Variants in WRN observed in about 807,000 individuals in gnomAD.
WRN encodes bifunctional 3'-5' exonuclease/ATP-dependent helicase WRN.
A neutral mutation model predicts 180.7 loss-of-function variants in WRN; 149 were observed. The observed-to-expected ratio is 0.82, with a 90% confidence interval of 0.72 to 0.94. The LOEUF (loss-of-function observed/expected upper bound fraction) is 0.94. WRN is among the 40% of genes least tolerant of loss of function. The probability of loss-of-function intolerance (pLI) is 0.00; values close to 1 mark genes in which losing one functional copy is unlikely to be tolerated. For synonymous variants in WRN, 548 were observed against 568.9 expected (o/e 0.96, Z 0.52); for missense variants, 1,661 against 1,700.1 (o/e 0.98, Z 0.40).
intron 18 of WRN, among the ~76,000 whole-genome samples, chr8:31,106,709 C>T (rs940972149): frequency 1.3e-5 from 2 of 152,190 alleles, no homozygotes; most frequent in East Asian, 1.9e-4. Context: ...CAGCATTCCT[C>T]GTAAATCTTT....
intron 23 of WRN, among the ~76,000 whole-genome samples, chr8:31,130,618 GTTTT>G (rs35645656): frequency 7.0e-6 from 1 of 142,994 alleles, no homozygotes; most frequent in Non-Finnish European, 1.5e-5. Context: ...TAGGATTTGG[GTTTT>G]TTTTTTTTTT....
rs763527235 is a variant in WRN, at chr8:31,120,432, A to C, written c.2630+8A>C. ...AGACATTAACTTAAATAGGTAAAAA[A>C]AATTTATTGTTTTTACTCTTGCAGA... is the stretch of plus-strand genomic sequence containing the variant. On this transcript the variant is annotated splice_region_variant and intron_variant, in intron 21 of 34. Transcript: ENST00000298139. The C allele has an allele frequency of 2.5e-6, 4 of 1,610,496 alleles. No individual in the cohort carries two copies. The highest frequency in any genetic ancestry group is 1.1e-5 in the South Asian group (1 of 90,742).
intron 21 of WRN, among the ~76,000 whole-genome samples, chr8:31,122,146 A>G (rs777934273): frequency 6.6e-6 from 1 of 152,036 alleles, no homozygotes; most frequent in Non-Finnish European, 1.5e-5. Context: ...GATTCAAATC[A>G]AATAGTGGTG....
rs769495252 is a variant in WRN, at chr8:31,065,047, A to T, written c.488A>T (p.Asp163Val). The T allele has an allele frequency of 9.9e-6, 16 of 1,613,394 alleles. No individual in the cohort carries two copies. Among genetic ancestry groups the T allele is most frequent in the Non-Finnish European group, 1.3e-5 (15 of 1,179,630 alleles). ...TTGAAGAATTTTGTGGAGTTGACAG[A>T]TGTTGCCAATAAAAAGGTAAAAGCA... ...IKLKNFVELT[D>V]VANKKLKCTE... The change falls in exon 5 of 35, where the codon GAT (aspartate) becomes GTT (valine). Residue 163 changes from aspartate to valine, a missense_variant. Asp to Val is a radical substitution (Grantham distance 152). Around this residue, in one of 3 missense-constraint regions of WRN, gnomAD observed 500 missense variants for 504.1 expected, o/e 0.99. Transcript: ENST00000298139.
intron 18 of WRN, among the ~76,000 whole-genome samples, chr8:31,107,171 G>A (rs73670452): frequency 0.026 from 4,004 of 152,238 alleles, 174 homozygotes; most frequent in African/African-American, 0.088. Flanking sequence ...ATAAAAAGAT[G>A]AACAGTGTTA....
chr8:31,059,001 TAA>T, intron 2 of WRN, 150 bp from the exon 3 acceptor site: 1 of 695,356 alleles, frequency 1.4e-6, no homozygotes. Flanking sequence ...TTTTCTTTGT[TAA>T]GTTTTCTTTA....
intron 3 of WRN, 114 bp downstream of exon 3, chr8:31,059,379 T>G: frequency 4.9e-6 from 4 of 814,776 alleles, no homozygotes; most frequent in Non-Finnish European, 8.4e-6. Context: ...CAATAGATAA[T>G]TATTTCTATG....
At chr8:31,138,091 G>A (rs1028479972) in intron 24 of WRN, among the ~76,000 whole-genome samples, 1 of 151,774 alleles carries the variant, frequency 6.6e-6, no homozygotes, top group Non-Finnish European at 1.5e-5. Context: ...GACAAAGAGA[G>A]ACCCTGTCTC....
intron 34 of WRN, 100 bp downstream of exon 34, chr8:31,167,330 A>T (rs1413378189): frequency 1.0e-6 from 1 of 966,968 alleles, no homozygotes; most frequent in Non-Finnish European, 1.6e-6. Context: ...ATGAATTCTG[A>T]TATGATTACT....
intron 28 of WRN, among the ~76,000 whole-genome samples, chr8:31,145,396 C>T (rs114591035): frequency 0.015 from 2,232 of 152,300 alleles, 44 homozygotes; most frequent in African/African-American, 0.049. Context: ...TTGCTACATA[C>T]ATGTAACAAC....
chr8:31,161,282 CAT>C (rs1251779702), intron 33 of WRN, among the ~76,000 whole-genome samples: 2 of 152,068 alleles, frequency 1.3e-5, no homozygotes, highest in East Asian at 3.9e-4. Context: ...GAAATATAGT[CAT>C]GTGTCGCTTG....
At chr8:31,092,621 T>C (rs986481209) in intron 16 of WRN, among the ~76,000 whole-genome samples, 2 of 152,000 alleles carry the variant, frequency 1.3e-5, no homozygotes, top group African/African-American at 4.8e-5. Flanking sequence ...ACGTATATAT[T>C]AGTATATACA....
chr8:31,053,690 T>C (rs902208650), intron 1 of WRN, among the ~76,000 whole-genome samples: 1 of 152,204 alleles, frequency 6.6e-6, no homozygotes, highest in Non-Finnish European at 1.5e-5. Flanking sequence ...GGAAAATACA[T>C]TAAGGTATAT....
chr8:31,068,525 ACTT>A (rs1339307968), intron 7 of WRN, among the ~76,000 whole-genome samples, 198 bp downstream of exon 7: 7 of 152,112 alleles, frequency 4.6e-5, no homozygotes, highest in African/African-American at 1.7e-4. Flanking sequence ...AGCAGCCCTT[ACTT>A]CTTTTACTTT....
rs568018346 is a variant in WRN at position 31,169,408 on chromosome 8, C to A, written c.4191+2178C>A. On this transcript the variant is annotated intron_variant, in intron 34 of 34. Coordinates refer to ENST00000298139, the MANE Select transcript of WRN (RefSeq NM_000553.6). ...AACTGAAGACTTCTATAATTTTTTTCTTTTATTTCTGATTCTTTCTTCGGT... is the reference window on the plus strand; with the variant it reads ...AACTGAAGACTTCTATAATTTTTTTATTTTATTTCTGATTCTTTCTTCGGT... Among the ~76,000 whole-genome samples, 5 of 151,576 alleles carry A rather than the reference C, an allele frequency of 3.3e-5. No homozygotes were observed. The South Asian group carries it at 8.3e-4, about 25-fold the overall frequency.
At chr8:31,098,487 G>A (rs1480854209) in intron 17 of WRN, among the ~76,000 whole-genome samples, 3 of 152,110 alleles carry the variant, frequency 2.0e-5, no homozygotes, top group Non-Finnish European at 4.4e-5. Context: ...TTAGAGCAGC[G>A]TACTTTGCTT....
intron 23 of WRN, among the ~76,000 whole-genome samples, chr8:31,131,316 T>C (rs754446455): frequency 5.1e-4 from 78 of 151,936 alleles, no homozygotes; most frequent in Non-Finnish European, 1.0e-3. Flanking sequence ...CCACCATGCC[T>C]GGCTAATTTT....
rs528023619 is a variant in WRN, at chr8:31,134,809, C to T, written c.2967+2303C>T. Among the ~76,000 whole-genome samples, 25 of 152,182 alleles carry T rather than the reference C, an allele frequency of 1.6e-4. No homozygotes were observed. The South Asian group carries it at 1.7e-3, about 10-fold the overall frequency. On this transcript the variant is annotated intron_variant, in intron 24 of 34. Transcript: ENST00000298139. The stretch of plus-strand genomic sequence containing the variant: ...CTCTTGTAATTTTCAAACTATCTAA[C>T]GGGAGAGGATTATCCATCCTGTTTT...
At chr8:31,057,917 G>A (rs530945090) in intron 1 of WRN, among the ~76,000 whole-genome samples, 61 of 152,232 alleles carry the variant, frequency 4.0e-4, no homozygotes, top group African/African-American at 1.4e-3. Flanking sequence ...CTTACTAGGT[G>A]AGGAGCAAAA....
Sources: gnomAD v4.1 joint callset for allele counts (sites outside exome capture counted in the v4.1 genomes callset) on GRCh38, gnomAD v4.1.1 for gene constraint, gnomAD v4.1.1 regional missense constraint, MANE v1.5 for transcripts, NCBI Gene and HGNC (gene_info 2026-07-23, HGNC 2026-07-21) for gene names.